The following SLC22A23 variants were observed in gnomAD, a reference collection of about 807,000 sequenced individuals.
SLC22A23 encodes solute carrier family 22 member 23, also known as ion transporter protein.
A neutral mutation model predicts 61.0 loss-of-function variants in SLC22A23; 26 were observed. That is an observed-to-expected ratio of 0.43 (90% CI 0.31 to 0.59). The LOEUF is 0.59. SLC22A23 is among the 20% of genes least tolerant of loss of function. The pLI is 0.11. For synonymous variants in SLC22A23, 430 were observed against 413.9 expected (o/e 1.04, Z -0.47); for missense variants, 796 against 934.7 (o/e 0.85, Z 1.94).
chr6:3,283,296 G>A (rs1035537313), intron 9 of SLC22A23, among the ~76,000 whole-genome samples: 2 of 152,250 alleles, frequency 1.3e-5, no homozygotes, highest in Admixed American at 1.3e-4. Flanking sequence ...GCCGGGCGTG[G>A]TGGCGCACAC....
Position 3,309,526 on chromosome 6 carries a change from TG to T in SLC22A23, c.1083-11309del, listed in dbSNP as rs1762222959. On this transcript the variant is annotated intron_variant, in intron 4 of 9. Coordinates refer to ENST00000406686, the MANE Select transcript of SLC22A23 (RefSeq NM_015482.2). The surrounding 1 kb of genome is among the most constrained non-coding windows in gnomAD (Gnocchi z 4.7). ...TGGCACCTGACCGTAATAAGGACTG[TG>T]GGCTGACAAGCAGGTGGCACCTGAC... 6.6e-6 allele frequency among the ~76,000 whole-genome samples: 1 copy of T among 151,500 alleles called. No homozygotes were observed. Among genetic ancestry groups the T allele is most frequent in the Non-Finnish European group, 1.5e-5 (1 of 67,900 alleles).
At chr6:3,379,539 G>A (rs1344122274) in intron 3 of SLC22A23, among the ~76,000 whole-genome samples, 2 of 152,148 alleles carry the variant, frequency 1.3e-5, no homozygotes, top group African/African-American at 2.4e-5. Flanking sequence ...TGGGCAGAGA[G>A]AAGGATAGAC....
At position 3,410,278 on chromosome 6, in the gene SLC22A23, C is replaced by CACTGA; in HGVS notation, c.822_823insTCAGT (p.Ala275SerfsTer6). Reference sequence around the variant, plus strand: ...AACATTGTCACATTCACTGACAGTGCCACAGTCAGTCCAAAGATCAGAATG... The same window carrying CACTGA: ...AACATTGTCACATTCACTGACAGTGCACTGACACAGTCAGTCCAAAGATCAGAATG... On this transcript the variant is annotated frameshift_variant, in exon 3 of 10. Coordinates refer to ENST00000406686, the MANE Select transcript of SLC22A23 (RefSeq NM_015482.2). LOFTEE classifies it high-confidence loss of function. The surrounding 1 kb of genome is among the most constrained non-coding windows in gnomAD (Gnocchi z 5.0). 1 of 1,613,606 alleles carries CACTGA rather than the reference C, an allele frequency of 6.2e-7. No homozygotes were observed. Among genetic ancestry groups the CACTGA allele is most frequent in the Non-Finnish European group, 8.5e-7 (1 of 1,179,748 alleles).
intron 3 of SLC22A23, among the ~76,000 whole-genome samples, chr6:3,371,484 C>T (rs527577147): frequency 2.6e-5 from 4 of 152,200 alleles, no homozygotes; most frequent in East Asian, 3.9e-4. Context: ...AGCTTGCAGG[C>T]GGCTATGAAA....
chr6:3,338,891 A>G lies in SLC22A23; in HGVS notation c.914-14889T>C, dbSNP rs113998054. ...TAGCTCCTTCTAGTCTAGAACCACTATTCCATCAACACTGACCAGATGGGG... is the reference window on the plus strand; with the variant it reads ...TAGCTCCTTCTAGTCTAGAACCACTGTTCCATCAACACTGACCAGATGGGG... On this transcript the variant is annotated intron_variant, in intron 3 of 9. Coordinates refer to ENST00000406686, the MANE Select transcript of SLC22A23 (RefSeq NM_015482.2). Among the ~76,000 whole-genome samples, 645 of 152,300 alleles carry G rather than the reference A, an allele frequency of 4.2e-3. 8 individuals are homozygous for G. The highest frequency in any genetic ancestry group is 0.015 in the African/African-American group (608 of 41,550).
At chr6:3,281,435 C>A (rs1759467138) in intron 9 of SLC22A23, among the ~76,000 whole-genome samples, 1 of 152,184 alleles carries the variant, frequency 6.6e-6, no homozygotes, top group South Asian at 2.1e-4. Flanking sequence ...TGTGGTGGAA[C>A]AAGTATGAAA....
At chr6:3,366,258 G>T (rs6903408) in intron 3 of SLC22A23, among the ~76,000 whole-genome samples, 1 of 146,698 alleles carries the variant, frequency 6.8e-6, no homozygotes, top group Non-Finnish European at 1.5e-5. Flanking sequence ...GCTTGAACCC[G>T]GGAGGTGGAA....
chr6:3,302,805 T>C (rs1311334838), intron 4 of SLC22A23: 2 of 152,258 alleles, frequency 1.3e-5, no homozygotes, highest in African/African-American at 4.8e-5. Context: ...ATACTTGGTA[T>C]GATTTTGATT....
intron 1 of SLC22A23, among the ~76,000 whole-genome samples, chr6:3,422,913 CCTCT>C (rs1424765201): frequency 6.6e-6 from 1 of 152,154 alleles, no homozygotes. Context: ...GCATTCTGAG[CCTCT>C]CTAAGGAAAC....
intron 3 of SLC22A23, among the ~76,000 whole-genome samples, chr6:3,353,432 A>G (rs771384834): frequency 2.0e-4 from 30 of 152,150 alleles, no homozygotes; most frequent in Non-Finnish European, 3.7e-4. Context: ...ATCTGGCTTG[A>G]GCGGTTTGGC....
rs550176910 is a variant in SLC22A23 at position 3,324,688 on chromosome 6, C to T, written c.914-686G>A. Among the ~76,000 whole-genome samples, 25 of 152,346 alleles carry T rather than the reference C, an allele frequency of 1.6e-4. No homozygotes were observed. The highest frequency in any genetic ancestry group is 3.9e-4 in the Admixed American group (6 of 15,312). ...CTTCTCCACGTGGGAGTTCTGTGGG[C>T]CACTGCAACACGGGTGAGTCATGCA... On this transcript the variant is annotated intron_variant, in intron 3 of 9. Coordinates refer to ENST00000406686, the MANE Select transcript of SLC22A23 (RefSeq NM_015482.2). The surrounding 1 kb of genome is among the most constrained non-coding windows in gnomAD (Gnocchi z 4.3).
At position 3,277,734 on chromosome 6, in the gene SLC22A23, A is replaced by G. The variant is rs954443878; in HGVS notation, c.1704-4322T>C. On this transcript the variant is annotated intron_variant, in intron 9 of 9. Transcript: ENST00000406686. ...GGCACCTGGGCATCTACTCAGTGCT[A>G]TAGTCGGATTTCTAGACTGGCCCCA... Among the ~76,000 whole-genome samples the G allele has an allele frequency of 4.3e-4, 65 of 152,324 alleles. 1 individual carries two copies. Among genetic ancestry groups the G allele is most frequent in the African/African-American group, 8.9e-4 (37 of 41,562 alleles).
chr6:3,345,790 T>C (rs1157642678), intron 3 of SLC22A23, among the ~76,000 whole-genome samples: 1 of 152,228 alleles, frequency 6.6e-6, no homozygotes, highest in Non-Finnish European at 1.5e-5. Context: ...TACATTTCTA[T>C]CATTATGTAA....
rs529041353 is a variant in SLC22A23, at chr6:3,272,538, C to T, written c.*517G>A. The T allele has an allele frequency of 6.5e-6, 1 of 152,884 alleles. No homozygotes were observed. The highest frequency in any genetic ancestry group is 2.4e-5 in the African/African-American group (1 of 41,586). 9.5% of individuals were successfully genotyped at this position (152,884 alleles called of 1,614,324 possible). A position where few individuals can be genotyped will look rare whatever the true frequency, so the allele number is the denominator to read the frequency against. On this transcript the variant is annotated 3_prime_UTR_variant, in exon 10 of 10. Transcript: ENST00000406686. ...AGGACCTTAAAAAACCATACACAGA[C>T]TCTAGCAAAAGCCAAATTCATGTAC...
intron 3 of SLC22A23, among the ~76,000 whole-genome samples, chr6:3,402,958 T>G (rs181079830): frequency 1.2e-3 from 182 of 152,308 alleles, no homozygotes; most frequent in Non-Finnish European, 1.3e-3. Flanking sequence ...AACTAAAACT[T>G]AAACTCTTTG....
intron 3 of SLC22A23, among the ~76,000 whole-genome samples, chr6:3,379,547 G>GA (rs1250723065): frequency 6.6e-6 from 1 of 152,178 alleles, no homozygotes; most frequent in Non-Finnish European, 1.5e-5. Context: ...GAGAAGGATA[G>GA]ACAGCGTTTT....
In SLC22A23 at chr6:3,406,550, G is replaced by A. The variant is rs112665655; in HGVS notation, c.913+3638C>T. Among the ~76,000 whole-genome samples, 537 of 107,632 alleles carry A rather than the reference G, an allele frequency of 5.0e-3. 9 individuals carry two copies. Among genetic ancestry groups the A allele is most frequent in the East Asian group, 0.048 (169 of 3,488 alleles). The allele number at this position is 107,632 out of a possible 152,430, so 70.6% of individuals were successfully genotyped here. On this transcript the variant is annotated intron_variant, in intron 3 of 9. Coordinates refer to ENST00000406686, the MANE Select transcript of SLC22A23 (RefSeq NM_015482.2). ...CCTGTGTGTGTGTGTGTGTGTGTGCGCGCATGTGTGTGTGTGCGTATGTGT... is the reference window on the plus strand; with the variant it reads ...CCTGTGTGTGTGTGTGTGTGTGTGCACGCATGTGTGTGTGTGCGTATGTGT...
chr6:3,356,515 G>A (rs999427202), intron 3 of SLC22A23, among the ~76,000 whole-genome samples: 3 of 152,132 alleles, frequency 2.0e-5, no homozygotes, highest in African/African-American at 7.2e-5. Context: ...TACCGGCTCT[G>A]CACTACCCTC....
At chr6:3,291,907 A>G (rs910488830) in intron 5 of SLC22A23, 1 of 152,228 alleles carries the variant, frequency 6.6e-6, no homozygotes, top group Non-Finnish European at 1.5e-5. Context: ...TTGTTTACTA[A>G]GTATGATGTT....
Sources: allele counts gnomAD v4.1 joint callset (sites outside exome capture counted in the v4.1 genomes callset), GRCh38; gene constraint gnomAD v4.1.1; non-coding constraint Gnocchi (gnomAD v3.1); transcripts MANE v1.5; gene names NCBI Gene and HGNC (gene_info 2026-07-23, HGNC 2026-07-21).